The following RALGPS1 variants were observed in gnomAD, a reference collection of about 807,000 sequenced individuals.
RALGPS1 encodes the protein ras-specific guanine nucleotide-releasing factor RalGPS1.
Under a neutral mutation model 78.8 loss-of-function variants are expected in RALGPS1, and 19 were observed. That is an observed-to-expected ratio of 0.24 (90% CI 0.17 to 0.35). The LOEUF is 0.35. RALGPS1 is among the 10% of genes least tolerant of loss of function. The pLI, the probability that RALGPS1 is intolerant of heterozygous loss-of-function variation, is 1.00. For synonymous variants in RALGPS1, 228 were observed against 256.3 expected (o/e 0.89, Z 1.06); for missense variants, 454 against 688.3 (o/e 0.66, Z 3.81).
At chr9:127,141,577 T>C (rs1588135812) in intron 8 of RALGPS1, among the ~76,000 whole-genome samples, 1 of 126,022 alleles carries the variant, frequency 7.9e-6, no homozygotes, top group East Asian at 2.4e-4. Flanking sequence ...AAATGAAACT[T>C]CAGAGACTCT....
chr9:126,937,438 T>A (rs528271380), intron 1 of RALGPS1, among the ~76,000 whole-genome samples: 1 of 152,210 alleles, frequency 6.6e-6, no homozygotes, highest in African/African-American at 2.4e-5. Context: ...GTTTTGACTA[T>A]TGGAGATCAG....
intron 4 of RALGPS1, among the ~76,000 whole-genome samples, chr9:127,002,062 T>C (rs1300492085): frequency 6.6e-6 from 1 of 152,156 alleles, no homozygotes; most frequent in Non-Finnish European, 1.5e-5. Flanking sequence ...AAACAAACAA[T>C]GTAGCCACCA....
At chr9:127,036,225 C>T (rs1454351405) in intron 5 of RALGPS1, among the ~76,000 whole-genome samples, 1 of 152,234 alleles carries the variant, frequency 6.6e-6, no homozygotes, top group African/African-American at 2.4e-5. Flanking sequence ...GTCGGAGAGC[C>T]AGCAGCTTCT....
chr9:126,947,607 G>A (rs1351799534), intron 1 of RALGPS1, among the ~76,000 whole-genome samples: 1 of 152,154 alleles, frequency 6.6e-6, no homozygotes, highest in Non-Finnish European at 1.5e-5. Flanking sequence ...ACTGGCCAAG[G>A]GCACAAAGTA....
At chr9:126,945,401 T>C (rs1052521320) in intron 1 of RALGPS1, among the ~76,000 whole-genome samples, 2 of 152,120 alleles carry the variant, frequency 1.3e-5, no homozygotes, top group African/African-American at 4.8e-5. Flanking sequence ...GGTTTCGCCA[T>C]GTTAGCCAGG....
rs143268459 is a variant in RALGPS1 at position 127,091,407 on chromosome 9, G to A, written c.610+22051G>A. The stretch of plus-strand genomic sequence containing the variant: ...CATTGGCCCCAGCTGGCCCTGGTAC[G>A]TGTGATTTGTATACCTCTTTATGTC... On this transcript the variant is annotated intron_variant, in intron 8 of 18. Coordinates refer to ENST00000259351, the MANE Select transcript of RALGPS1 (RefSeq NM_014636.3). The surrounding 1 kb of genome is among the most constrained non-coding windows in gnomAD (Gnocchi z 4.3). 2.6e-4 allele frequency among the ~76,000 whole-genome samples: 40 copies of A among 152,268 alleles called. No individual in the cohort carries two copies. Among genetic ancestry groups the A allele is most frequent in the African/African-American group, 9.6e-4 (40 of 41,556 alleles).
intron 8 of RALGPS1, among the ~76,000 whole-genome samples, chr9:127,073,802 G>A (rs11791543): frequency 0.38 from 57,114 of 151,934 alleles, 12,587 homozygotes; most frequent in Non-Finnish European, 0.48. Flanking sequence ...GGCCCAAGAC[G>A]ATATCTCATT....
chr9:127,148,196 G>C (rs1166831240), intron 8 of RALGPS1, among the ~76,000 whole-genome samples: 1 of 152,380 alleles, frequency 6.6e-6, no homozygotes, highest in African/African-American at 2.4e-5. Context: ...TTGCCCAGAA[G>C]ATAAGCAGAA....
chr9:127,111,495 A>T (rs2054807290), intron 8 of RALGPS1, among the ~76,000 whole-genome samples: 1 of 152,234 alleles, frequency 6.6e-6, no homozygotes, highest in Admixed American at 6.5e-5. Flanking sequence ...ACCTGCCAAC[A>T]GCTGCTGAGC....
At chr9:127,031,098 C>T (rs1316516194) in intron 4 of RALGPS1, among the ~76,000 whole-genome samples, 2 of 152,198 alleles carry the variant, frequency 1.3e-5, no homozygotes, top group African/African-American at 4.8e-5. Flanking sequence ...CTCAGTGGCT[C>T]ACCACAGACA....
intron 10 of RALGPS1, among the ~76,000 whole-genome samples, 153 bp from the exon 11 acceptor site, chr9:127,174,562 C>A (rs1369389141): frequency 6.6e-6 from 1 of 152,182 alleles, no homozygotes; most frequent in African/African-American, 2.4e-5. Flanking sequence ...GCTGTGGAAA[C>A]CCCCGGAGAC....
intron 3 of RALGPS1, among the ~76,000 whole-genome samples, chr9:126,972,706 C>T (rs1204177851): frequency 2.0e-5 from 3 of 152,152 alleles, no homozygotes; most frequent in African/African-American, 7.2e-5. Flanking sequence ...TTGGATTCTT[C>T]AGCAGATGTA....
intron 8 of RALGPS1, chr9:127,093,762 T>A (rs1387161191): frequency 6.2e-7 from 1 of 1,614,030 alleles, no homozygotes; most frequent in Non-Finnish European, 8.5e-7. Context: ...CTGAAGAAGT[T>A]AACAGAGCCA....
chr9:127,175,570 G>A (rs1191981669), intron 11 of RALGPS1, among the ~76,000 whole-genome samples: 2 of 152,000 alleles, frequency 1.3e-5, no homozygotes, highest in African/African-American at 4.8e-5. Context: ...GGGGGGTCAA[G>A]GGGAACCCAA....
intron 7 of RALGPS1, among the ~76,000 whole-genome samples, chr9:127,063,526 T>C (rs1429950715): frequency 6.6e-6 from 1 of 152,240 alleles, no homozygotes; most frequent in Non-Finnish European, 1.5e-5. Context: ...TTTATTGATA[T>C]TTTATAAAAA....
At chr9:126,974,985 A>G (rs930343137) in intron 3 of RALGPS1, among the ~76,000 whole-genome samples, 2 of 152,016 alleles carry the variant, frequency 1.3e-5, no homozygotes, top group African/African-American at 4.8e-5. Flanking sequence ...TTTTGGTAAA[A>G]CTGAGTGGCC....
intron 4 of RALGPS1, among the ~76,000 whole-genome samples, chr9:127,030,688 C>G (rs1182413742): frequency 6.6e-6 from 1 of 151,450 alleles, no homozygotes; most frequent in African/African-American, 2.4e-5. Context: ...TGTTAAAATG[C>G]TAGCAGGAAG....
At chr9:127,083,319 A>T (rs989042244) in intron 8 of RALGPS1, among the ~76,000 whole-genome samples, 7 of 152,218 alleles carry the variant, frequency 4.6e-5, no homozygotes, top group African/African-American at 1.7e-4. Context: ...TGGATCCTCT[A>T]TCTGGGAGCC....
chr9:127,113,057 C>G (rs1309186908), intron 8 of RALGPS1, among the ~76,000 whole-genome samples: 1 of 152,178 alleles, frequency 6.6e-6, no homozygotes, highest in African/African-American at 2.4e-5. Context: ...TGTTACACCT[C>G]TGTGGGGCCT....
Sources: allele counts gnomAD v4.1 joint callset (sites outside exome capture counted in the v4.1 genomes callset), GRCh38; gene constraint gnomAD v4.1.1; non-coding constraint Gnocchi (gnomAD v3.1); transcripts MANE v1.5; gene names NCBI Gene and HGNC (gene_info 2026-07-23, HGNC 2026-07-21).